The following STXBP6 variants were observed in gnomAD, a reference collection of about 807,000 sequenced individuals.
STXBP6 encodes syntaxin-binding protein 6.
A neutral mutation model predicts 26.9 loss-of-function variants in STXBP6; 21 were observed. The observed-to-expected ratio is 0.78, with a 90% CI of 0.55 to 1.12. The LOEUF is 1.12. Among genes scored for constraint, STXBP6 ranks in the 50% most tolerant of loss-of-function variants. The pLI, the probability that STXBP6 is intolerant of heterozygous loss-of-function variation, is 0.00. For synonymous variants in STXBP6, 97 were observed against 92.6 expected (o/e 1.05, Z -0.27); for missense variants, 232 against 257.9 (o/e 0.90, Z 0.69).
intron 2 of STXBP6, among the ~76,000 whole-genome samples, chr14:24,884,382 G>A (rs968074028): frequency 7.9e-5 from 12 of 152,122 alleles, no homozygotes; most frequent in African/African-American, 2.9e-4. Context: ...GAAACAGAAG[G>A]TACCAACATC....
intron 2 of STXBP6, among the ~76,000 whole-genome samples, chr14:24,905,751 G>A (rs1451199441): frequency 6.6e-6 from 1 of 152,136 alleles, no homozygotes; most frequent in Non-Finnish European, 1.5e-5. Flanking sequence ...CATTTTATGT[G>A]TCAGTTCCTA....
chr14:24,871,030 T>A (rs552125831), intron 2 of STXBP6, among the ~76,000 whole-genome samples: 1 of 152,172 alleles, frequency 6.6e-6, no homozygotes, highest in African/African-American at 2.4e-5. Flanking sequence ...CTTAAAGAGA[T>A]CAGAGAAAAA....
intron 1 of STXBP6, chr14:24,987,738 T>TG: frequency 1.5e-6 from 1 of 675,872 alleles, no homozygotes; most frequent in South Asian, 6.6e-5. Flanking sequence ...AGGAAGATAA[T>TG]GGCAAGAGCC....
chr14:25,007,625 A>C (rs1416328962), intron 1 of STXBP6, among the ~76,000 whole-genome samples: 1 of 152,208 alleles, frequency 6.6e-6, no homozygotes, highest in Non-Finnish European at 1.5e-5. Flanking sequence ...TCAGGGAATT[A>C]TGTCCATGTT....
chr14:24,869,938 C>G (rs1224072471), intron 2 of STXBP6, among the ~76,000 whole-genome samples: 2 of 152,108 alleles, frequency 1.3e-5, no homozygotes, highest in African/African-American at 4.8e-5. Flanking sequence ...TTTTTGGTGT[C>G]TACACTATGA....
At chr14:24,958,640 T>A (rs1412760174) in intron 2 of STXBP6, among the ~76,000 whole-genome samples, 1 of 152,204 alleles carries the variant, frequency 6.6e-6, no homozygotes, top group Admixed American at 6.5e-5. Context: ...ACACTTTTTG[T>A]AACTGAAGAA....
rs1054053527 is a variant in STXBP6 at position 24,812,297 on chromosome 14, C to G, written c.*412G>C. Reference sequence around the variant, plus strand: ...CTAGGAAAAATAACATCTGATGTCACCACATTAAAATGCCTTCCTGCTTAA... The same window carrying G: ...CTAGGAAAAATAACATCTGATGTCAGCACATTAAAATGCCTTCCTGCTTAA... On this transcript the variant is annotated 3_prime_UTR_variant, in exon 6 of 6. Transcript: ENST00000323944. The G allele has an allele frequency of 1.2e-5, 2 of 165,036 alleles. No individual in the cohort carries two copies. The highest frequency in any genetic ancestry group is 4.8e-5 in the African/African-American group (2 of 41,554). 10.2% of individuals were successfully genotyped at this position (165,036 alleles called of 1,614,324 possible).
intron 1 of STXBP6, among the ~76,000 whole-genome samples, chr14:25,044,327 C>T (rs1284813157): frequency 6.6e-6 from 1 of 152,066 alleles, no homozygotes; most frequent in Non-Finnish European, 1.5e-5. Context: ...ACTGTTTTCC[C>T]AAGTGGCTGT....
chr14:25,019,531 T>A (rs958910647), intron 1 of STXBP6, among the ~76,000 whole-genome samples: 35 of 152,202 alleles, frequency 2.3e-4, no homozygotes, highest in African/African-American at 7.2e-4. Flanking sequence ...GAAATAGATT[T>A]AAAGAAAACA....
intron 1 of STXBP6, among the ~76,000 whole-genome samples, chr14:25,016,058 AGT>A (rs1479749711): frequency 6.6e-6 from 1 of 152,204 alleles, no homozygotes; most frequent in Non-Finnish European, 1.5e-5. Flanking sequence ...TATGAGTGGA[AGT>A]GTCAGAGGGC....
chr14:24,996,548 A>G (rs1019648805), intron 1 of STXBP6, among the ~76,000 whole-genome samples: 1 of 150,896 alleles, frequency 6.6e-6, no homozygotes, highest in African/African-American at 2.5e-5. Context: ...CTCTCCTTAA[A>G]AAAAATAAAA....
chr14:24,961,045 G>A (rs139297229), intron 2 of STXBP6, among the ~76,000 whole-genome samples: 87 of 152,314 alleles, frequency 5.7e-4, no homozygotes, highest in African/African-American at 1.9e-3. Context: ...TCAGCTTTGA[G>A]AATGACTAAG....
intron 2 of STXBP6, among the ~76,000 whole-genome samples, chr14:24,865,441 T>C (rs1300394310): frequency 1.3e-5 from 2 of 152,160 alleles, no homozygotes; most frequent in Non-Finnish European, 2.9e-5. Flanking sequence ...ATGGCTAAAA[T>C]TCTTAAGACA....
chr14:24,845,775 G>T (rs535117720), intron 4 of STXBP6, among the ~76,000 whole-genome samples: 2 of 152,264 alleles, frequency 1.3e-5, no homozygotes, highest in South Asian at 4.1e-4. Flanking sequence ...CAGAGGGGAA[G>T]ATTATGCTGA....
chr14:24,995,011 CAA>C (rs34166172), intron 1 of STXBP6: 18,118 of 96,432 alleles, frequency 0.19, 1,062 homozygotes, highest in South Asian at 0.25. Context: ...GACTCCATGT[CAA>C]AAAAAAAAAA....
chr14:24,846,548 C>T lies in STXBP6; in HGVS notation c.451+9388G>A, dbSNP rs142159291. On this transcript the variant is annotated intron_variant, in intron 4 of 5. Transcript: ENST00000323944. Reference sequence around the variant, plus strand: ...GCTACAAACTGGGAGAGTGGATGTCCATAAAGGTTGCCAGATAAAAATGAC... The same window carrying T: ...GCTACAAACTGGGAGAGTGGATGTCTATAAAGGTTGCCAGATAAAAATGAC... Among the ~76,000 whole-genome samples the T allele has an allele frequency of 4.0e-3, 604 of 152,196 alleles. 3 individuals are homozygous for T. The highest frequency in any genetic ancestry group is 0.014 in the African/African-American group (574 of 41,518).
At chr14:25,031,268 C>T (rs2075449153) in intron 1 of STXBP6, among the ~76,000 whole-genome samples, 1 of 152,138 alleles carries the variant, frequency 6.6e-6, no homozygotes, top group South Asian at 2.1e-4. Flanking sequence ...TATGAAACGT[C>T]TTAGAAATAT....
At chr14:24,924,470 C>T (rs766180620) in intron 2 of STXBP6, among the ~76,000 whole-genome samples, 3 of 152,058 alleles carry the variant, frequency 2.0e-5, no homozygotes, top group Non-Finnish European at 4.4e-5. Context: ...ATTATACAGA[C>T]CTTTGAGTTC....
intron 1 of STXBP6, among the ~76,000 whole-genome samples, chr14:25,022,703 C>G (rs1455366971): frequency 6.6e-6 from 1 of 152,206 alleles, no homozygotes; most frequent in Non-Finnish European, 1.5e-5. Context: ...TCTTGTCAAT[C>G]TCTAGTTCCA....
Sources: gnomAD v4.1 joint callset for allele counts (sites outside exome capture counted in the v4.1 genomes callset) on GRCh38, gnomAD v4.1.1 for gene constraint, MANE v1.5 for transcripts, NCBI Gene and HGNC (gene_info 2026-07-23, HGNC 2026-07-21) for gene names.